Variants in CD164L2 observed in about 807,000 individuals in gnomAD.
The protein encoded by CD164L2 is CD164 sialomucin-like 2 protein.
CD164L2 carries 21 observed loss-of-function variants against 23.9 expected under a neutral mutation model. That is an observed-to-expected ratio of 0.88 (90% CI 0.62 to 1.27). The LOEUF is 1.27. Ranked by LOEUF, CD164L2 falls within the 50% of genes most tolerant of loss-of-function variation. The probability of loss-of-function intolerance (pLI) is 0.00; values close to 1 mark genes in which losing one functional copy is unlikely to be tolerated. For synonymous variants in CD164L2, 92 were observed against 90.2 expected (o/e 1.02, Z -0.11); for missense variants, 230 against 224.8 (o/e 1.02, Z -0.15).
chr1:27,381,827 G>A lies in CD164L2; in HGVS notation c.329-3C>T. Reference sequence around the variant, plus strand: ...ATAGGTGGGGTGGTGGTGAGCAGCTGAGGAGACAGGTGATCCATAGCAAAG... The same window carrying A: ...ATAGGTGGGGTGGTGGTGAGCAGCTAAGGAGACAGGTGATCCATAGCAAAG... On this transcript the variant is annotated splice_polypyrimidine_tract_variant and splice_region_variant and intron_variant, in intron 3 of 5. Coordinates refer to ENST00000374030, the MANE Select transcript of CD164L2 (RefSeq NM_001330448.1). 6.2e-7 allele frequency: 1 copy of A among 1,614,034 alleles called. No homozygotes were observed. Among genetic ancestry groups the A allele is most frequent in the African/African-American group, 1.3e-5 (1 of 74,998 alleles).
chr1:27,382,362 A>G lies in CD164L2; in HGVS notation c.294T>C (p.Gly98=). The G allele has an allele frequency of 6.2e-7, 1 of 1,612,872 alleles. No individual in the cohort carries two copies. Among genetic ancestry groups the G allele is most frequent in the Non-Finnish European group, 8.5e-7 (1 of 1,179,322 alleles). The change falls in exon 3 of 6, where the codon GGT becomes GGC. Residue 98 remains glycine (G), a synonymous_variant. Transcript: ENST00000374030. ...CCTCTGAGCGGTTGTAGATGGAGCA[A>G]CCTTCCTTGACCACCTCAGATTGGG... ...CVAQSEVVKE[G]CSIYNRSEAC... is the part of the protein sequence containing the mutation.
Position 27,379,262 on chromosome 1 carries a change from G to T in CD164L2, c.*241C>A. ...CATACAACCCACTGTCAGGCTGGGG[G>T]GCCCAGCAGGGGCGATGGAGGAGAC... On this transcript the variant is annotated 3_prime_UTR_variant, in exon 6 of 6. Coordinates refer to ENST00000374030, the MANE Select transcript of CD164L2 (RefSeq NM_001330448.1). 1 of 590,320 alleles carries T rather than the reference G, an allele frequency of 1.7e-6. No individual in the cohort carries two copies. Among genetic ancestry groups the T allele is most frequent in the Non-Finnish European group, 3.0e-6 (1 of 328,642 alleles). 36.6% of individuals were successfully genotyped at this position (590,320 alleles called of 1,614,324 possible). A position where few individuals can be genotyped will look rare whatever the true frequency, so the allele number is the denominator to read the frequency against.
At position 27,383,212 on chromosome 1, in the gene CD164L2, G is replaced by T. The variant is rs1240173116; in HGVS notation, c.28C>A (p.Arg10=). The change falls in exon 1 of 6, where the codon CGG becomes AGG. Residue 10 remains arginine (R), a synonymous_variant. Transcript: ENST00000374030. The part of the protein sequence containing the change: MEAPGPRAL[R]TALCGGCCCL... ...CAACAGCCGCCACAGAGCGCAGTCC[G>T]CAAGGCGCGGGGTCCCGGAGCCTCC... The T allele has an allele frequency of 7.8e-6, 12 of 1,546,656 alleles. No individual in the cohort carries two copies. The Admixed American group carries it at 2.0e-4, about 25-fold the overall frequency.
At chr1:27,380,800 C>G (rs1440028228) in intron 4 of CD164L2, among the ~76,000 whole-genome samples, 1 of 152,330 alleles carries the variant, frequency 6.6e-6, no homozygotes, top group South Asian at 2.1e-4. Context: ...GGCTGAGGGA[C>G]AGGCTTGGCC....
Position 27,382,456 on chromosome 1 carries a change from T to A in CD164L2, c.256+44A>T, listed in dbSNP as rs767591758. 3.6e-5 allele frequency: 57 copies of A among 1,583,890 alleles called. 1 individual carries two copies. The highest frequency in any genetic ancestry group is 8.5e-5 in the Admixed American group (5 of 58,622). On this transcript the variant is annotated intron_variant, in intron 2 of 5. Coordinates refer to ENST00000374030, the MANE Select transcript of CD164L2 (RefSeq NM_001330448.1). ...GGGAGAGGGGCCAGGGCCTTGGGGTTCAGAGCTGGGGGCACTCAATCTGGG... is the reference window on the plus strand; with the variant it reads ...GGGAGAGGGGCCAGGGCCTTGGGGTACAGAGCTGGGGGCACTCAATCTGGG...
chr1:27,382,134 C>T lies in CD164L2; in HGVS notation c.328+194G>A, dbSNP rs1041965272. On this transcript the variant is annotated intron_variant, in intron 3 of 5. Transcript: ENST00000374030. ...CTAACACTCCCATCCCCTCCACACA[C>T]CTGTACTAATTTTCAGATGAGGAAA... is the stretch of plus-strand genomic sequence containing the variant. The T allele has an allele frequency of 2.6e-6, 4 of 1,529,658 alleles. No individual in the cohort carries two copies. In the African/African-American group the frequency reaches 4.1e-5, roughly 16 times the overall value. The allele number at this position is 1,529,658 out of a possible 1,614,324, so 94.8% of individuals were successfully genotyped here.
chr1:27,379,900 A>G, intron 5 of CD164L2, 151 bp downstream of exon 5: 1 of 1,511,396 alleles, frequency 6.6e-7, no homozygotes, highest in Non-Finnish European at 8.8e-7. Context: ...TGGAGGAGAC[A>G]AAAGGGGTGT....
Position 27,383,234 on chromosome 1 carries a change from C to G in CD164L2, c.6G>C (p.Glu2Asp), listed in dbSNP as rs902375356. The stretch of plus-strand genomic sequence containing the variant: ...TCCGCAAGGCGCGGGGTCCCGGAGC[C>G]TCCATGGGCTCGCGGGGTGGGGGTG... M[E>D]APGPRALRTA... is the part of the protein sequence containing the mutation. The change falls in exon 1 of 6, where the codon GAG (glutamate) becomes GAC (aspartate). Residue 2 changes from glutamate (E) to aspartate (D), a missense_variant. Glu to Asp is a conservative substitution (Grantham distance 45). Coordinates refer to ENST00000374030, the MANE Select transcript of CD164L2 (RefSeq NM_001330448.1). The G allele has an allele frequency of 6.5e-7, 1 of 1,542,780 alleles. No individual in the cohort carries two copies. Among genetic ancestry groups the G allele is most frequent in the Admixed American group, 2.0e-5 (1 of 50,894 alleles).
Position 27,380,225 on chromosome 1 carries a change from A to G in CD164L2, c.374-30T>C, listed in dbSNP as rs202152114. On this transcript the variant is annotated intron_variant, in intron 4 of 5. Transcript: ENST00000374030. Reference sequence around the variant, plus strand: ...AGGGGTGAGGCAGGGCAGGGGTCATAGCAGTCACTGTGAACCAGGATCCCA... The same window carrying G: ...AGGGGTGAGGCAGGGCAGGGGTCATGGCAGTCACTGTGAACCAGGATCCCA... 434 of 1,601,560 alleles carry G rather than the reference A, an allele frequency of 2.7e-4. 1 individual carries two copies. Among genetic ancestry groups the G allele is most frequent in the Admixed American group, 1.0e-3 (59 of 59,126 alleles).
At position 27,382,529 on chromosome 1, in the gene CD164L2, AC is replaced by A. The variant is rs1229455522; in HGVS notation, c.226del (p.Val76CysfsTer75). On this transcript the variant is annotated frameshift_variant, in exon 2 of 6. Transcript: ENST00000374030. LOFTEE classifies it high-confidence loss of function. ...GDGARNLSSC[V>X]WEQCRPEEPG... is the part of the protein sequence containing the mutation. ...CTCCTCTGGCCGGCACTGCTCCCAC[AC>A]GCAGCTGGAGAGATTGCGCGCTCCG... is the stretch of plus-strand genomic sequence containing the variant. 6.2e-7 allele frequency: 1 copy of A among 1,611,582 alleles called. No individual in the cohort carries two copies. Among genetic ancestry groups the A allele is most frequent in the South Asian group, 1.1e-5 (1 of 90,950 alleles).
At chr1:27,381,733 C>A in intron 4 of CD164L2, 47 bp downstream of exon 4, 1 of 1,603,266 alleles carries the variant, frequency 6.2e-7, no homozygotes, top group Non-Finnish European at 8.5e-7. Flanking sequence ...GCTGTCTTCC[C>A]CTGCACCTCT....
At chr1:27,382,426 G>A in intron 2 of CD164L2, 27 bp from the exon 3 acceptor site, 1 of 1,589,944 alleles carries the variant, frequency 6.3e-7, no homozygotes, top group Non-Finnish European at 8.6e-7. Context: ...CAGGGGGGAG[G>A]TTTGGGGAGA....
At position 27,379,404 on chromosome 1, in the gene CD164L2, G is replaced by C; in HGVS notation, c.*99C>G. On this transcript the variant is annotated 3_prime_UTR_variant, in exon 6 of 6. Transcript: ENST00000374030. Reference sequence around the variant, plus strand: ...CAGGAGCCAAAAACTGGCGGCCAGAGTTTTTCCCGCCCCCGCCCCCCGCTT... The same window carrying C: ...CAGGAGCCAAAAACTGGCGGCCAGACTTTTTCCCGCCCCCGCCCCCCGCTT... 1 of 1,138,936 alleles carries C rather than the reference G, an allele frequency of 8.8e-7. No homozygotes were observed. The highest frequency in any genetic ancestry group is 1.3e-6 in the Non-Finnish European group (1 of 777,164). 70.6% of individuals were successfully genotyped at this position (1,138,936 alleles called of 1,614,324 possible).
Position 27,382,322 on chromosome 1 carries a change from C to T in CD164L2, c.328+6G>A, listed in dbSNP as rs865899857. On this transcript the variant is annotated splice_donor_region_variant and intron_variant, in intron 3 of 5. Transcript: ENST00000374030. ...CAACTTGGCTTAGGTGCAAGAACCCCCTTACCTGGACATGCCTCTGAGCGG... is the reference window on the plus strand; with the variant it reads ...CAACTTGGCTTAGGTGCAAGAACCCTCTTACCTGGACATGCCTCTGAGCGG... The T allele has an allele frequency of 1.9e-6, 3 of 1,613,996 alleles. No homozygotes were observed. The highest frequency in any genetic ancestry group is 2.5e-6 in the Non-Finnish European group (3 of 1,179,990).
intron 4 of CD164L2, 102 bp downstream of exon 4, chr1:27,381,678 G>A (rs2016336950): frequency 1.5e-6 from 2 of 1,292,164 alleles, no homozygotes; most frequent in African/African-American, 3.0e-5. Flanking sequence ...CGAGGGAGAA[G>A]GCGCAGGGCC....
chr1:27,382,265 TG>T (rs756775166), intron 3 of CD164L2, 62 bp downstream of exon 3: 1 of 1,613,956 alleles, frequency 6.2e-7, no homozygotes, highest in African/African-American at 1.3e-5. Flanking sequence ...TGTTTCCTCC[TG>T]GGGGGCAGGC....
chr1:27,381,851 A>T, intron 3 of CD164L2, 27 bp from the exon 4 acceptor site: 5 of 1,613,680 alleles, frequency 3.1e-6, no homozygotes, highest in Non-Finnish European at 4.2e-6. Flanking sequence ...TCCATAGCAA[A>T]GCAGCCTTCC....
rs2016379432 is a variant in CD164L2, at chr1:27,383,309, C to G, written c.-70G>C. The G allele has an allele frequency of 9.9e-7, 1 of 1,012,168 alleles. No homozygotes were observed. The highest frequency in any genetic ancestry group is 1.5e-6 in the Non-Finnish European group (1 of 684,700). The allele number at this position is 1,012,168 out of a possible 1,614,324, so 62.7% of individuals were successfully genotyped here. The stretch of plus-strand genomic sequence containing the variant: ...TGGACAGCTGCCGGGCGCGTCCCTC[C>G]CAGACTGGGCTCGGCTGAGCGTGTG... On this transcript the variant is annotated 5_prime_UTR_variant, in exon 1 of 6. Transcript: ENST00000374030.
At chr1:27,381,669 G>A (rs1454260132) in intron 4 of CD164L2, 111 bp downstream of exon 4, 14 of 1,193,788 alleles carry the variant, frequency 1.2e-5, no homozygotes, top group Middle Eastern at 2.6e-4. Flanking sequence ...GACAGGCTCC[G>A]AGGGAGAAGG....
Sources: gnomAD v4.1 joint callset for allele counts (sites outside exome capture counted in the v4.1 genomes callset) on GRCh38, gnomAD v4.1.1 for gene constraint, MANE v1.5 for transcripts, NCBI Gene and HGNC (gene_info 2026-07-23, HGNC 2026-07-21) for gene names.